Variants in C12orf42 observed in about 807,000 individuals in gnomAD.
The protein encoded by C12orf42 is uncharacterized protein C12orf42.
Under a neutral mutation model 21.6 loss-of-function variants are expected in C12orf42, and 25 were observed. That is an observed-to-expected ratio of 1.16 (90% CI 0.84 to 1.62). The LOEUF is 1.62. C12orf42 is among the 40% of genes most tolerant of loss of function. The pLI is 0.00. For missense variants in C12orf42, 483 were observed against 459.3 expected, an observed-to-expected ratio of 1.05 and a Z score of -0.47; for synonymous variants, 174 against 175.0, an observed-to-expected ratio of 0.99 and a Z score of 0.05.
intron 1 of C12orf42, among the ~76,000 whole-genome samples, chr12:103,494,046 A>C (rs1955353523): frequency 6.6e-6 from 1 of 152,198 alleles, no homozygotes; most frequent in African/African-American, 2.4e-5. Context: ...CCCCTAGAAG[A>C]GTCTAATGCT....
intron 4 of C12orf42, among the ~76,000 whole-genome samples, chr12:103,343,774 CA>C (rs397747722): frequency 0.018 from 1,119 of 62,868 alleles, 8 homozygotes; most frequent in African/African-American, 0.054. Context: ...AACTCTGTCA[CA>C]AAAAAAAAAA....
the C12orf42 span, among the ~76,000 whole-genome samples, chr12:103,551,807 A>G: frequency 6.6e-6 from 1 of 152,106 alleles, no homozygotes; most frequent in Non-Finnish European, 1.5e-5. Flanking sequence ...ACAGAGCAAG[A>G]CTCTGTCTCA....
At chr12:103,452,061 A>G (rs1373145731) in intron 2 of C12orf42, among the ~76,000 whole-genome samples, 2 of 151,922 alleles carry the variant, frequency 1.3e-5, no homozygotes, top group Non-Finnish European at 2.9e-5. Context: ...TTTAGGCCAG[A>G]TGAAGCCAAA....
intron 3 of C12orf42, among the ~76,000 whole-genome samples, chr12:103,375,082 T>G (rs2045583042): frequency 6.6e-6 from 1 of 152,176 alleles, no homozygotes; most frequent in African/African-American, 2.4e-5. Context: ...CTGAAGTGAC[T>G]CTCTCTCTAT....
At chr12:103,500,804 G>A (rs1201753567), upstream of C12orf42, among the ~76,000 whole-genome samples, 1 of 152,172 alleles carries the variant, frequency 6.6e-6, no homozygotes, top group Non-Finnish European at 1.5e-5. Flanking sequence ...AATATCAACT[G>A]TTTATGTCAA....
the C12orf42 span, among the ~76,000 whole-genome samples, chr12:103,091,475 T>C: frequency 3.9e-5 from 6 of 152,064 alleles, no homozygotes; most frequent in African/African-American, 1.4e-4. Flanking sequence ...GTATCTGGTA[T>C]GGAAAAATGA....
chr12:103,391,273 G>A (rs2047056936), intron 3 of C12orf42, among the ~76,000 whole-genome samples: 1 of 151,878 alleles, frequency 6.6e-6, no homozygotes. Context: ...CCATTTCTCT[G>A]TTTTCGATTA....
Position 103,487,713 on chromosome 12 carries a change from CCTT to C in C12orf42, c.-22+8186_-22+8188del, listed in dbSNP as rs1304063150. Among the ~76,000 whole-genome samples the C allele has an allele frequency of 2.6e-5, 4 of 152,216 alleles. No homozygotes were observed. In the East Asian group the frequency reaches 7.7e-4, roughly 29 times the overall value. ...TGATCCCTTTACCATTATATAATGGCCTTCTTTGTCTCTTTTGATCTTTGTTGG... is the reference window on the plus strand; with the variant it reads ...TGATCCCTTTACCATTATATAATGGCCTTTGTCTCTTTTGATCTTTGTTGG... On this transcript the variant is annotated intron_variant, in intron 1 of 5. Transcript: ENST00000548883.
Position 103,282,446 on chromosome 12 carries a change from C to T in C12orf42, n.338-5236G>A, listed in dbSNP as rs1040370356. Among the ~76,000 whole-genome samples, 37 of 152,036 alleles carry T rather than the reference C, an allele frequency of 2.4e-4. 1 individual carries two copies. The highest frequency in any genetic ancestry group is 7.0e-4 in the African/African-American group (29 of 41,392). On this transcript the variant is annotated intron_variant and non_coding_transcript_variant, in intron 4 of 6. Coordinates refer to the C12orf42 transcript ENST00000546526. ...AGATATGTTTAGATACAATACTTAC[C>T]GTTGTGTTGTAATTGCCTACAGTAT...
chr12:103,144,335 T>C, the C12orf42 span, among the ~76,000 whole-genome samples: 10 of 152,230 alleles, frequency 6.6e-5, no homozygotes, highest in Admixed American at 5.9e-4. Flanking sequence ...AAAGAGTGCA[T>C]TTGTAGGCAA....
At chr12:103,535,107 C>T in the C12orf42 span, among the ~76,000 whole-genome samples, 11 of 152,288 alleles carry the variant, frequency 7.2e-5, no homozygotes, top group Admixed American at 2.6e-4. Context: ...GCCTTGTGTC[C>T]TCTGCCAGAA....
chr12:103,356,796 C>T (rs1433355958), intron 4 of C12orf42, among the ~76,000 whole-genome samples: 1 of 151,896 alleles, frequency 6.6e-6, no homozygotes, highest in Non-Finnish European at 1.5e-5. Context: ...CATTTTTTCA[C>T]GTGTTTTTTG....
the C12orf42 span, among the ~76,000 whole-genome samples, chr12:103,134,340 ACAGGAAAAATAATAC>A: frequency 6.6e-6 from 1 of 152,146 alleles, no homozygotes. Context: ...ACTGGAGAAT[ACAGGAAAAATAATAC>A]CAAGAGATTA....
intron 10 of C12orf42, among the ~76,000 whole-genome samples, chr12:103,259,673 A>G (rs1319656165): frequency 6.6e-6 from 1 of 152,228 alleles, no homozygotes; most frequent in African/African-American, 2.4e-5. Flanking sequence ...TTGGCATAGC[A>G]GGTGGGAAAT....
chr12:103,425,548 T>C lies in C12orf42; in HGVS notation c.79-23873A>G, dbSNP rs537609224. ...GCTGGTGATACTCAGGCAAACAGGG[T>C]CTGGAGTGGACCTCCAGCAAACTCC... On this transcript the variant is annotated intron_variant, in intron 2 of 5. Transcript: ENST00000548883. 8.5e-5 allele frequency among the ~76,000 whole-genome samples: 13 copies of C among 152,218 alleles called. No individual in the cohort carries two copies. The South Asian group carries it at 2.7e-3, about 32-fold the overall frequency.
At chr12:103,305,666 G>A (rs150295039) in intron 5 of C12orf42, among the ~76,000 whole-genome samples, 6 of 152,308 alleles carry the variant, frequency 3.9e-5, no homozygotes, top group African/African-American at 1.2e-4. Context: ...AAAATGCCTA[G>A]CACAGTGTCT....
the C12orf42 span, among the ~76,000 whole-genome samples, chr12:103,123,572 G>A: frequency 6.6e-6 from 1 of 152,144 alleles, no homozygotes; most frequent in African/African-American, 2.4e-5. Flanking sequence ...GATAGCCTAT[G>A]TTTAAGGCTT....
chr12:103,476,982 AG>A (rs1398895044), intron 2 of C12orf42: 1 of 152,216 alleles, frequency 6.6e-6, no homozygotes, highest in African/African-American at 2.4e-5. Context: ...TTCAAATTAT[AG>A]AGATTTCACT....
the C12orf42 span, among the ~76,000 whole-genome samples, chr12:103,503,123 C>A: frequency 6.6e-6 from 1 of 152,224 alleles, no homozygotes; most frequent in Non-Finnish European, 1.5e-5. Context: ...GAAGAATGGA[C>A]AGCTAAAGGA....
Sources: gnomAD v4.1 joint callset for allele counts (sites outside exome capture counted in the v4.1 genomes callset) on GRCh38, gnomAD v4.1.1 for gene constraint, MANE v1.5 for transcripts, NCBI Gene and HGNC (gene_info 2026-07-23, HGNC 2026-07-21) for gene names.